The following FGD4 variants were observed in gnomAD, a reference collection of about 807,000 sequenced individuals.
The protein encoded by FGD4 is FYVE, RhoGEF and PH domain containing 4, also known as FYVE, RhoGEF and PH domain-containing protein 4.
Under a neutral mutation model 102.0 loss-of-function variants are expected in FGD4, and 42 were observed. That is an observed-to-expected ratio of 0.41 (90% CI 0.32 to 0.53). The LOEUF (loss-of-function observed/expected upper bound fraction) is 0.53. Ranked by LOEUF, FGD4 falls within the 20% of genes least tolerant of loss-of-function variation. FGD4 has a pLI of 0.21. For synonymous variants in FGD4, 380 were observed against 375.7 expected, an observed-to-expected ratio of 1.01 and a Z score of -0.13; for missense variants, 902 against 1,078.2, an observed-to-expected ratio of 0.84 and a Z score of 2.29.
chr12:32,589,618 A>G (rs1947312738), intron 4 of FGD4, among the ~76,000 whole-genome samples: 1 of 152,220 alleles, frequency 6.6e-6, no homozygotes, highest in Non-Finnish European at 1.5e-5. Context: ...CTTACACTAC[A>G]TAGATTATAA....
intron 4 of FGD4, among the ~76,000 whole-genome samples, chr12:32,592,647 C>T (rs1947578946): frequency 5.3e-5 from 8 of 152,078 alleles, no homozygotes; most frequent in Admixed American, 4.6e-4. Flanking sequence ...TTTAAGACTA[C>T]TTTATTATTT....
chr12:32,437,977 C>G (rs530273210), intron 1 of FGD4, among the ~76,000 whole-genome samples: 2 of 152,288 alleles, frequency 1.3e-5, no homozygotes, highest in East Asian at 3.9e-4. Context: ...ACTGCAGGCT[C>G]TACTCTCGGG....
chr12:32,471,786 CA>C (rs1208774720), intron 1 of FGD4, among the ~76,000 whole-genome samples: 2 of 152,110 alleles, frequency 1.3e-5, no homozygotes, highest in Non-Finnish European at 2.9e-5. Context: ...TGGATTCCAA[CA>C]GGGAGGCAGT....
intron 1 of FGD4, among the ~76,000 whole-genome samples, chr12:32,527,399 A>C (rs1941362467): frequency 6.6e-6 from 1 of 151,572 alleles, no homozygotes; most frequent in Non-Finnish European, 1.5e-5. Context: ...GGCACCACAC[A>C]CATCCAGAAT....
At chr12:32,432,211 C>T (rs1380954013) in intron 1 of FGD4, among the ~76,000 whole-genome samples, 3 of 151,850 alleles carry the variant, frequency 2.0e-5, no homozygotes. Context: ...AGGCGCCCAC[C>T]ACCATGCCCA....
At chr12:32,556,219 T>G (rs530454619) in intron 1 of FGD4, among the ~76,000 whole-genome samples, 1 of 145,720 alleles carries the variant, frequency 6.9e-6, no homozygotes, top group South Asian at 2.1e-4. Context: ...TTTCTTGACT[T>G]TTCCTTGGTT....
chr12:32,527,198 A>G (rs1336017825), intron 1 of FGD4, among the ~76,000 whole-genome samples: 1 of 152,150 alleles, frequency 6.6e-6, no homozygotes, highest in African/African-American at 2.4e-5. Context: ...AAAATAATAA[A>G]ATTATGTTTG....
intron 1 of FGD4, among the ~76,000 whole-genome samples, chr12:32,498,227 T>C (rs895212629): frequency 6.6e-6 from 1 of 152,240 alleles, no homozygotes; most frequent in African/African-American, 2.4e-5. Context: ...CTGCAGAGTA[T>C]TTAAAAATTT....
intron 1 of FGD4, among the ~76,000 whole-genome samples, chr12:32,491,857 C>T (rs1944105744): frequency 6.6e-6 from 1 of 152,178 alleles, no homozygotes; most frequent in Non-Finnish European, 1.5e-5. Context: ...GACTGGATTA[C>T]GTCTCTGCAT....
At chr12:32,588,317 A>G (rs1947210969) in intron 4 of FGD4, among the ~76,000 whole-genome samples, 1 of 152,246 alleles carries the variant, frequency 6.6e-6, no homozygotes, top group Non-Finnish European at 1.5e-5. Context: ...AGTAAATACA[A>G]AGAAGAAACT....
chr12:32,598,169 ACATTTCCAAAGAGTAG>A (rs1291234700), intron 4 of FGD4, among the ~76,000 whole-genome samples: 5 of 152,240 alleles, frequency 3.3e-5, no homozygotes, highest in African/African-American at 9.6e-5. Context: ...CTGAGTGATA[ACATTTCCAAAGAGTAG>A]CCTGAGAAAG....
At chr12:32,535,432 C>T (rs527872683) in intron 1 of FGD4, among the ~76,000 whole-genome samples, 1 of 152,138 alleles carries the variant, frequency 6.6e-6, no homozygotes, top group East Asian at 1.9e-4. Context: ...AGAGCTGAGG[C>T]GCCACTCCTG....
intron 14 of FGD4, among the ~76,000 whole-genome samples, chr12:32,633,056 A>T (rs1022898466): frequency 6.6e-6 from 1 of 152,162 alleles, no homozygotes; most frequent in African/African-American, 2.4e-5. Flanking sequence ...AGATTTAAGA[A>T]ATATTTAGGA....
At chr12:32,480,764 G>T (rs1007467892) in intron 1 of FGD4, among the ~76,000 whole-genome samples, 5 of 149,204 alleles carry the variant, frequency 3.4e-5, no homozygotes, top group African/African-American at 1.2e-4. Flanking sequence ...CCCCCAAAGT[G>T]CTGGGATTAC....
At chr12:32,401,997 G>T (rs1341600009) in intron 1 of FGD4, among the ~76,000 whole-genome samples, 1 of 149,302 alleles carries the variant, frequency 6.7e-6, no homozygotes, top group Non-Finnish European at 1.5e-5. Flanking sequence ...CCGCCTCCCG[G>T]GTTCACGCCA....
intron 1 of FGD4, among the ~76,000 whole-genome samples, chr12:32,462,664 T>C (rs1019658464): frequency 1.3e-5 from 2 of 152,222 alleles, no homozygotes; most frequent in African/African-American, 4.8e-5. Context: ...TTTTTAGGTT[T>C]ATTTTTCTGT....
In FGD4 at chr12:32,544,113, G is replaced by A. The variant is rs1943053216; in HGVS notation, c.167-20024G>A. Among the ~76,000 whole-genome samples, 1 of 152,102 alleles carries A rather than the reference G, an allele frequency of 6.6e-6. No individual in the cohort carries two copies. Among genetic ancestry groups the A allele is most frequent in the African/African-American group, 2.4e-5 (1 of 41,426 alleles). On this transcript the variant is annotated intron_variant, in intron 1 of 16. Transcript: ENST00000534526. The surrounding 1 kb of genome is among the most constrained non-coding windows in gnomAD (Gnocchi z 4.1). ...AAACAAGAGTCACATGGTGCTATGAGCTTAAATAATTACTAGTAAAATTTG... is the reference window on the plus strand; with the variant it reads ...AAACAAGAGTCACATGGTGCTATGAACTTAAATAATTACTAGTAAAATTTG...
rs751835451 is a variant in FGD4 at position 32,587,548 on chromosome 12, G to A, written c.1011+5081G>A. 1.1e-4 allele frequency among the ~76,000 whole-genome samples: 16 copies of A among 151,858 alleles called. No individual in the cohort carries two copies. In the East Asian group the frequency reaches 1.4e-3, roughly 13 times the overall value. The stretch of plus-strand genomic sequence containing the variant: ...TGGGACTACAGGCATGCACCATCAC[G>A]CCTGGCTAATTTTTGTATTTTTTGT... On this transcript the variant is annotated intron_variant, in intron 4 of 16. Coordinates refer to ENST00000534526, the MANE Select transcript of FGD4 (RefSeq NM_001370298.3).
intron 1 of FGD4, among the ~76,000 whole-genome samples, chr12:32,474,557 A>G (rs1943537426): frequency 6.6e-6 from 1 of 152,172 alleles, no homozygotes; most frequent in African/African-American, 2.4e-5. Flanking sequence ...AGACAGAAAG[A>G]TTAGCGTTGC....
Sources: allele counts gnomAD v4.1 joint callset (sites outside exome capture counted in the v4.1 genomes callset), GRCh38; gene constraint gnomAD v4.1.1; non-coding constraint Gnocchi (gnomAD v3.1); transcripts MANE v1.5; gene names NCBI Gene and HGNC (gene_info 2026-07-23, HGNC 2026-07-21).